The following APBA2 variants were observed in gnomAD, a reference collection of about 807,000 sequenced individuals.
The protein encoded by APBA2 is amyloid-beta A4 precursor protein-binding family A member 2.
APBA2 carries 30 observed loss-of-function variants against 75.0 expected under a neutral mutation model. The ratio of observed to expected loss-of-function variants is 0.40; its 90% confidence interval spans 0.30 to 0.54. The LOEUF (loss-of-function observed/expected upper bound fraction) is 0.54, where lower values mean the gene tolerates loss of function less well. Among genes scored for constraint, APBA2 ranks in the 20% least tolerant of loss-of-function variants. The probability of loss-of-function intolerance (pLI) is 0.49; values close to 1 mark genes in which losing one functional copy is unlikely to be tolerated. For synonymous variants in APBA2, 444 were observed against 409.6 expected, an observed-to-expected ratio of 1.08 and a Z score of -1.01; for missense variants, 801 against 1,016.1, an observed-to-expected ratio of 0.79 and a Z score of 2.88.
In APBA2 at chr15:29,054,211, C is replaced by T. The variant is rs774589846; in HGVS notation, c.327C>T (p.Ser109=). Residue 109 remains serine, a synonymous_variant, in exon 4 of 15, where the codon AGC becomes AGT. Coordinates refer to ENST00000683413, the MANE Select transcript of APBA2 (RefSeq NM_001353788.2). This position sits in a 1 kb window ranked among gnomAD's most constrained non-coding sequence, Gnocchi z 6.1. The stretch of plus-strand genomic sequence containing the variant: ...TCCGCTACTGCCCTGAGGACGACAG[C>T]TACCTAGAGGGCATGGACTGCAACG... The part of the protein sequence containing the change: ...YYIRYCPEDD[S]YLEGMDCNGE... 4 of 1,614,200 alleles carry T rather than the reference C, an allele frequency of 2.5e-6. No individual in the cohort carries two copies. The highest frequency in any genetic ancestry group is 1.1e-5 in the South Asian group (1 of 91,088).
intron 2 of APBA2, among the ~76,000 whole-genome samples, chr15:28,958,290 G>T (rs1225384737): frequency 6.6e-6 from 1 of 152,222 alleles, no homozygotes; most frequent in East Asian, 1.9e-4. Context: ...ATTTGCTTTG[G>T]ACTCACAGTG....
intron 3 of APBA2, among the ~76,000 whole-genome samples, chr15:29,010,220 A>C (rs2039331020): frequency 6.6e-6 from 1 of 151,858 alleles, no homozygotes; most frequent in Non-Finnish European, 1.5e-5. Context: ...GTTTTTGCTC[A>C]TTTTTCTGTT....
chr15:28,887,724 A>G (rs991365976), intron 1 of APBA2, among the ~76,000 whole-genome samples: 10 of 152,102 alleles, frequency 6.6e-5, no homozygotes, highest in Admixed American at 6.5e-4. Flanking sequence ...GGCAATGTCC[A>G]GGGCGTGAGT....
chr15:29,050,406 A>G (rs1437880914), intron 3 of APBA2, among the ~76,000 whole-genome samples: 1 of 152,246 alleles, frequency 6.6e-6, no homozygotes, highest in East Asian at 1.9e-4. Context: ...ATAGTTCAAG[A>G]GAAAGAAATG....
intron 4 of APBA2, among the ~76,000 whole-genome samples, chr15:29,057,178 C>T (rs954087879): frequency 7.9e-5 from 12 of 152,142 alleles, no homozygotes; most frequent in African/African-American, 2.2e-4. Flanking sequence ...CAATATTGGT[C>T]ACTTAGATGC....
intron 1 of APBA2, among the ~76,000 whole-genome samples, chr15:28,908,184 C>G (rs1249854555): frequency 6.6e-6 from 1 of 152,182 alleles, no homozygotes; most frequent in Non-Finnish European, 1.5e-5. Context: ...ATGCTCCTTA[C>G]AGTTCAAAGC....
intron 1 of APBA2, among the ~76,000 whole-genome samples, chr15:28,893,135 G>T (rs1370956148): frequency 6.6e-6 from 1 of 152,212 alleles, no homozygotes; most frequent in African/African-American, 2.4e-5. Context: ...TTGCCTCCAC[G>T]TGTGAGCCAG....
chr15:28,943,425 T>C (rs60969137), intron 2 of APBA2, among the ~76,000 whole-genome samples: 16,681 of 152,246 alleles, frequency 0.11, 1,824 homozygotes, highest in East Asian at 0.33. Context: ...ATCTGTGCCC[T>C]GCATCTGCGA....
At chr15:29,083,016 C>T (rs966406927) in intron 6 of APBA2, among the ~76,000 whole-genome samples, 2 of 151,762 alleles carry the variant, frequency 1.3e-5, no homozygotes, top group Non-Finnish European at 2.9e-5. Flanking sequence ...GAGCCGAGAT[C>T]GTGCCACAGT....
chr15:28,887,380 C>T (rs1315960813), intron 1 of APBA2, among the ~76,000 whole-genome samples: 1 of 152,156 alleles, frequency 6.6e-6, no homozygotes, highest in Non-Finnish European at 1.5e-5. Context: ...GAAATAATGA[C>T]CCGAGAGCTT....
chr15:28,973,661 A>G (rs1296314594), intron 2 of APBA2, among the ~76,000 whole-genome samples: 1 of 152,244 alleles, frequency 6.6e-6, no homozygotes, highest in African/African-American at 2.4e-5. Context: ...AAAATTGTAT[A>G]TGTATGACCG....
chr15:28,962,413 T>A (rs1191369391), intron 2 of APBA2, among the ~76,000 whole-genome samples: 3 of 151,530 alleles, frequency 2.0e-5, no homozygotes, highest in Non-Finnish European at 4.4e-5. Flanking sequence ...CTACTAAAAA[T>A]ACAAAATTAA....
At chr15:28,912,641 T>C (rs1159220654) in intron 1 of APBA2, among the ~76,000 whole-genome samples, 1 of 152,252 alleles carries the variant, frequency 6.6e-6, no homozygotes, top group East Asian at 1.9e-4. Flanking sequence ...AGGTTGTGTC[T>C]GTTCTTTACT....
intron 2 of APBA2, among the ~76,000 whole-genome samples, chr15:28,954,324 C>G (rs2036050334): frequency 1.3e-5 from 2 of 152,156 alleles, no homozygotes; most frequent in Non-Finnish European, 2.9e-5. Flanking sequence ...AATGCTCCTC[C>G]GACCAGAGCT....
chr15:28,987,955 C>T (rs1433828347), intron 2 of APBA2, among the ~76,000 whole-genome samples: 3 of 151,772 alleles, frequency 2.0e-5, no homozygotes, highest in Non-Finnish European at 2.9e-5. Context: ...CAGGGTTTCA[C>T]TATGTTGGCC....
At chr15:28,988,415 C>T (rs2038042263) in intron 2 of APBA2, among the ~76,000 whole-genome samples, 1 of 151,986 alleles carries the variant, frequency 6.6e-6, no homozygotes, top group African/African-American at 2.4e-5. Flanking sequence ...AGGCGCCCGC[C>T]ACTGCACACA....
chr15:29,110,127 A>C (rs571569804), intron 13 of APBA2, among the ~76,000 whole-genome samples: 1 of 152,342 alleles, frequency 6.6e-6, no homozygotes, highest in South Asian at 2.1e-4. Context: ...GTGGATGGGC[A>C]TGGCTGGGCC....
chr15:28,921,978 A>T (rs953576595), intron 2 of APBA2, among the ~76,000 whole-genome samples: 4 of 152,246 alleles, frequency 2.6e-5, no homozygotes, highest in African/African-American at 9.6e-5. Flanking sequence ...ACAGACATTT[A>T]CAGGGGACCA....
intron 6 of APBA2, among the ~76,000 whole-genome samples, chr15:29,087,889 C>T (rs865889094): frequency 3.9e-5 from 6 of 152,306 alleles, no homozygotes; most frequent in East Asian, 1.9e-4. Flanking sequence ...GAACCTCACA[C>T]GATCTGATGT....
Sources: gnomAD v4.1 joint callset for allele counts (sites outside exome capture counted in the v4.1 genomes callset) on GRCh38, gnomAD v4.1.1 for gene constraint, Gnocchi (gnomAD v3.1) non-coding constraint, MANE v1.5 for transcripts, NCBI Gene and HGNC (gene_info 2026-07-23, HGNC 2026-07-21) for gene names.